Variants in MYCBP2 observed in about 807,000 individuals in gnomAD.
MYCBP2 encodes E3 ubiquitin-protein ligase MYCBP2.
Under a neutral mutation model 525.3 loss-of-function variants are expected in MYCBP2, and 120 were observed. The observed-to-expected ratio is 0.23, with a 90% confidence interval of 0.20 to 0.27. The LOEUF (loss-of-function observed/expected upper bound fraction) is 0.27. MYCBP2 is among the 10% of genes least tolerant of loss of function. MYCBP2 has a pLI of 1.00. For synonymous variants in MYCBP2, 1,894 were observed against 1,955.8 expected, an observed-to-expected ratio of 0.97 and a Z score of 0.83; for missense variants, 4,149 against 5,657.1, an observed-to-expected ratio of 0.73 and a Z score of 8.55.
At chr13:77,059,389 T>C in intron 77 of MYCBP2, 134 bp downstream of exon 77, 1 of 642,272 alleles carries the variant, frequency 1.6e-6, no homozygotes, top group East Asian at 2.5e-5. Flanking sequence ...TGGTAAGGCA[T>C]TTGATGCTTC....
At chr13:77,228,788 T>C (rs1381098520) in intron 18 of MYCBP2, among the ~76,000 whole-genome samples, 3 of 151,870 alleles carry the variant, frequency 2.0e-5, no homozygotes, top group African/African-American at 7.3e-5. Flanking sequence ...GTAACTAAAA[T>C]ATTATATGTA....
At chr13:77,087,204 A>G (rs190387125) in intron 62 of MYCBP2, among the ~76,000 whole-genome samples, 35 of 152,280 alleles carry the variant, frequency 2.3e-4, no homozygotes, top group Admixed American at 1.9e-3. Context: ...TTCATTTTAC[A>G]GACATGGAAA....
intron 46 of MYCBP2, among the ~76,000 whole-genome samples, chr13:77,151,674 T>C (rs1270170468): frequency 6.6e-6 from 1 of 152,216 alleles, no homozygotes; most frequent in Non-Finnish European, 1.5e-5. Flanking sequence ...CTTATAAAAA[T>C]ACCTTTTAGA....
intron 13 of MYCBP2, among the ~76,000 whole-genome samples, chr13:77,259,458 G>A (rs1487224866): frequency 6.6e-6 from 1 of 152,064 alleles, no homozygotes; most frequent in East Asian, 1.9e-4. Flanking sequence ...AAATATACAA[G>A]TTTCCATCAG....
chr13:77,103,792 C>G (rs1036048696), intron 55 of MYCBP2, among the ~76,000 whole-genome samples: 7 of 151,920 alleles, frequency 4.6e-5, no homozygotes, highest in Non-Finnish European at 1.0e-4. Context: ...TCAGAATGGA[C>G]TCGGGGTGAC....
At chr13:77,286,643 C>T (rs1392203520) in intron 3 of MYCBP2, among the ~76,000 whole-genome samples, 3 of 145,382 alleles carry the variant, frequency 2.1e-5, no homozygotes, top group Non-Finnish European at 4.5e-5. Flanking sequence ...GTAGTCCCAG[C>T]TACTTGGGAG....
chr13:77,057,170 G>T, intron 78 of MYCBP2, 77 bp from the exon 79 acceptor site: 1 of 1,009,958 alleles, frequency 9.9e-7, no homozygotes, highest in Non-Finnish European at 1.6e-6. Flanking sequence ...ATTATTTAAT[G>T]CAAGGCACTA....
chr13:77,094,031 T>C (rs1245354973), intron 58 of MYCBP2, among the ~76,000 whole-genome samples: 1 of 152,186 alleles, frequency 6.6e-6, no homozygotes, highest in Non-Finnish European at 1.5e-5. Flanking sequence ...ACTAAAGATC[T>C]ATTGTATTTT....
intron 63 of MYCBP2, chr13:77,082,210 G>A (rs2154105693): frequency 6.8e-6 from 3 of 442,318 alleles, no homozygotes; most frequent in South Asian, 7.8e-5. Flanking sequence ...AAGGAAAGTT[G>A]ACCCATTTTA....
chr13:77,145,919 CTACTT>C (rs1394128753), intron 48 of MYCBP2, among the ~76,000 whole-genome samples: 3 of 151,674 alleles, frequency 2.0e-5, no homozygotes, highest in African/African-American at 7.3e-5. Context: ...TACTAGATAT[CTACTT>C]TACATACCTA....
chr13:77,077,727 TTATC>T (rs1820225978), intron 66 of MYCBP2: 2 of 186,550 alleles, frequency 1.1e-5, no homozygotes, highest in Admixed American at 5.6e-5. Flanking sequence ...TGACTGTACT[TTATC>T]TATATCATCT....
Position 77,225,452 on chromosome 13 carries a change from C to T in MYCBP2, c.2840G>A (p.Cys947Tyr). The change falls in exon 19 of 83, where the codon TGT (cysteine) becomes TAT (tyrosine). Residue 947 changes from cysteine to tyrosine, a missense_variant. Around this residue, in one of 21 missense-constraint regions of MYCBP2, gnomAD observed 620 missense variants for 795.5 expected, o/e 0.78. Transcript: ENST00000544440. ...GCCGCTACCTGAATGGTGAAATCCA[C>T]AGCTGACTTGGACTGCCCGGAGCTC... ...DCELRAVQVSCGFHHSVVLME... is the reference protein window; with the variant it reads ...DCELRAVQVSYGFHHSVVLME... 6.2e-7 allele frequency: 1 copy of T among 1,613,690 alleles called. No individual in the cohort carries two copies.
intron 28 of MYCBP2, among the ~76,000 whole-genome samples, chr13:77,191,223 A>G (rs2061263677): frequency 6.6e-6 from 1 of 152,348 alleles, no homozygotes; most frequent in South Asian, 2.1e-4. Context: ...AAAGTACTCT[A>G]TACGTGAAAG....
chr13:77,165,055 G>C (rs2058375547), intron 42 of MYCBP2, among the ~76,000 whole-genome samples: 1 of 151,982 alleles, frequency 6.6e-6, no homozygotes, highest in African/African-American at 2.4e-5. Context: ...TTTTTTTGTA[G>C]AGAAAGGATT....
intron 1 of MYCBP2, among the ~76,000 whole-genome samples, chr13:77,309,413 C>G (rs1179200770): frequency 1.3e-5 from 2 of 152,148 alleles, no homozygotes; most frequent in Non-Finnish European, 2.9e-5. Flanking sequence ...TTTCAAAATA[C>G]AGGCTAGAAC....
At chr13:77,116,219 G>T (rs985059494) in intron 55 of MYCBP2, among the ~76,000 whole-genome samples, 4 of 151,850 alleles carry the variant, frequency 2.6e-5, no homozygotes, top group Non-Finnish European at 5.9e-5. Context: ...AGTAAATATG[G>T]TCTTCTACAT....
chr13:77,241,602 A>T (rs1465776634), intron 17 of MYCBP2, among the ~76,000 whole-genome samples: 2 of 152,328 alleles, frequency 1.3e-5, no homozygotes, highest in East Asian at 1.9e-4. Flanking sequence ...CCATATACTT[A>T]TATAATGTAA....
At chr13:77,283,796 C>T (rs2076447752) in intron 3 of MYCBP2, among the ~76,000 whole-genome samples, 1 of 152,056 alleles carries the variant, frequency 6.6e-6, no homozygotes, top group African/African-American at 2.4e-5. Context: ...ACATGGGAGG[C>T]TAATGTGGGA....
At position 77,273,745 on chromosome 13, in the gene MYCBP2, T is replaced by G. The variant is rs1408030381; in HGVS notation, c.749-77A>C. On this transcript the variant is annotated intron_variant, in intron 4 of 82. Transcript: ENST00000544440. ...ATGCGTATATTTATTTATTTTTACT[T>G]TGTCTCATTATAAACGAAATTTAAG... is the stretch of plus-strand genomic sequence containing the variant. 5 of 1,167,166 alleles carry G rather than the reference T, an allele frequency of 4.3e-6. No individual in the cohort carries two copies. The Admixed American group carries it at 1.6e-4, about 37-fold the overall frequency. The allele number at this position is 1,167,166 out of a possible 1,614,324, so 72.3% of individuals were successfully genotyped here.
Sources: gnomAD v4.1 joint callset for allele counts (sites outside exome capture counted in the v4.1 genomes callset) on GRCh38, gnomAD v4.1.1 for gene constraint, gnomAD v4.1.1 regional missense constraint, MANE v1.5 for transcripts, NCBI Gene and HGNC (gene_info 2026-07-23, HGNC 2026-07-21) for gene names.